The following SLC10A1 variants were observed in gnomAD, a reference collection of about 807,000 sequenced individuals.
SLC10A1 encodes the protein hepatic sodium/bile acid cotransporter.
A neutral mutation model predicts 20.5 loss-of-function variants in SLC10A1; 36 were observed. The observed-to-expected ratio is 1.75, with a 90% CI of 1.34 to 2.32. The LOEUF (loss-of-function observed/expected upper bound fraction) is 2.32, where lower values mean the gene tolerates loss of function less well. Among genes scored for constraint, SLC10A1 ranks in the 30% most tolerant of loss-of-function variants. The pLI is 0.00. For synonymous variants in SLC10A1, 188 were observed against 163.6 expected (o/e 1.15, Z -1.14); for missense variants, 545 against 439.1 (o/e 1.24, Z -2.16).
intron 2 of SLC10A1, among the ~76,000 whole-genome samples, chr14:69,780,662 T>G (rs990881897): frequency 6.6e-6 from 1 of 152,244 alleles, no homozygotes. Flanking sequence ...GCAACTGATA[T>G]GATCATATAA....
chr14:69,789,735 C>A (rs1018349879), intron 1 of SLC10A1, among the ~76,000 whole-genome samples: 1 of 151,676 alleles, frequency 6.6e-6, no homozygotes, highest in Non-Finnish European at 1.5e-5. Flanking sequence ...ATGCAGGGAG[C>A]AAATAAAGCA....
chr14:69,778,592 A>C, intron 3 of SLC10A1, 63 bp from the exon 4 acceptor site: 1 of 1,403,788 alleles, frequency 7.1e-7, no homozygotes, highest in East Asian at 2.3e-5. Flanking sequence ...ACTTTGTCCC[A>C]GTGCTGCTAC....
In SLC10A1 at chr14:69,793,369, A is replaced by G. The variant is rs539041872; in HGVS notation, c.356+3431T>C. Among the ~76,000 whole-genome samples, 47 of 152,156 alleles carry G rather than the reference A, an allele frequency of 3.1e-4. 2 individuals are homozygous for G. The South Asian group carries it at 5.4e-3, about 17-fold the overall frequency. On this transcript the variant is annotated intron_variant, in intron 1 of 4. Coordinates refer to ENST00000216540, the MANE Select transcript of SLC10A1 (RefSeq NM_003049.4). ...GGGCAAGGACTTTTTCAGACTCTAGATTCCTGAGATTGTAGGCCTGGTTGC... is the reference window on the plus strand; with the variant it reads ...GGGCAAGGACTTTTTCAGACTCTAGGTTCCTGAGATTGTAGGCCTGGTTGC...
rs1355998097 is a variant in SLC10A1 at position 69,797,182 on chromosome 14, T to A, written c.-27A>T. ...CTCCTGTGAGGCAGTGGAAGACCAC[T>A]CCTTGTTCTCCGGCTGACTCCGTTT... is the stretch of plus-strand genomic sequence containing the variant. On this transcript the variant is annotated 5_prime_UTR_variant, in exon 1 of 5. Coordinates refer to ENST00000216540, the MANE Select transcript of SLC10A1 (RefSeq NM_003049.4). The A allele has an allele frequency of 6.4e-7, 1 of 1,566,902 alleles. No individual in the cohort carries two copies. The highest frequency in any genetic ancestry group is 1.4e-5 in the African/African-American group (1 of 74,072).
At chr14:69,786,362 T>C in intron 1 of SLC10A1, 55 bp from the exon 2 acceptor site, 1 of 1,458,266 alleles carries the variant, frequency 6.9e-7, no homozygotes, top group Non-Finnish European at 9.6e-7. Context: ...ATACAGACTA[T>C]TTTGTTGAGT....
Position 69,778,426 on chromosome 14 carries a change from A to G in SLC10A1, c.850T>C (p.Phe284Leu). The G allele has an allele frequency of 1.9e-6, 3 of 1,614,146 alleles. No homozygotes were observed. The highest frequency in any genetic ancestry group is 2.5e-6 in the Non-Finnish European group (3 of 1,179,996). Residue 284 changes from phenylalanine to leucine, a missense_variant, in exon 4 of 5, where the codon TTC becomes CTC. Transcript: ENST00000216540. ...AAAATCATGTAGAGGAGGGGAAAGA[A>G]GAAAAGTGGTCCAATGACTTCAGGT... ...FPPEVIGPLFFFPLLYMIFQL... is the reference protein window; with the variant it reads ...FPPEVIGPLFLFPLLYMIFQL...
intron 1 of SLC10A1, among the ~76,000 whole-genome samples, chr14:69,789,914 G>GTTTTTTTTT (rs61078487): frequency 7.0e-6 from 1 of 142,872 alleles, no homozygotes; most frequent in Non-Finnish European, 1.5e-5. Context: ...CAAAAATAGG[G>GTTTTTTTTT]TTTTTTTTTT....
chr14:69,796,955 TG>T lies in SLC10A1; in HGVS notation c.200del (p.Ala67AspfsTer19). 1 of 1,614,206 alleles carries T rather than the reference TG, an allele frequency of 6.2e-7. No individual in the cohort carries two copies. The highest frequency in any genetic ancestry group is 8.5e-7 in the Non-Finnish European group (1 of 1,180,014). ...CCGTGAGGGGCATGATGCCATACTGTGCCACCAGGGCGATGGCCAGCCCTTT... is the reference window on the plus strand; with the variant it reads ...CCGTGAGGGGCATGATGCCATACTGTCCACCAGGGCGATGGCCAGCCCTTT... ...KPKGLAIALV[A>X]QYGIMPLTAF... On this transcript the variant is annotated frameshift_variant, in exon 1 of 5. Transcript: ENST00000216540. LOFTEE classifies it high-confidence loss of function.
At position 69,796,929 on chromosome 14, in the gene SLC10A1, G is replaced by A. The variant is rs1215038632; in HGVS notation, c.227C>T (p.Ala76Val). 5 of 1,614,194 alleles carry A rather than the reference G, an allele frequency of 3.1e-6. No individual in the cohort carries two copies. The East Asian group carries it at 6.7e-5, about 22-fold the overall frequency. The change falls in exon 1 of 5, where the codon GCC becomes GTC. Residue 76 changes from alanine to valine, a missense_variant. Physicochemically the swap from Ala to Val is moderately conservative, Grantham distance 64. Transcript: ENST00000216540. ...CCGGAAGACCTTGCCCAGCACAAAG[G>A]CCGTGAGGGGCATGATGCCATACTG... Reference protein sequence around the residue: ...VAQYGIMPLTAFVLGKVFRLK... With the variant: ...VAQYGIMPLTVFVLGKVFRLK...
chr14:69,780,190 CTA>C (rs1380065369), intron 2 of SLC10A1, among the ~76,000 whole-genome samples: 2 of 152,108 alleles, frequency 1.3e-5, no homozygotes, highest in Non-Finnish European at 2.9e-5. Flanking sequence ...TCATTGGAAA[CTA>C]TGCAGGTCTA....
At chr14:69,783,259 G>T (rs1457274491) in intron 2 of SLC10A1, among the ~76,000 whole-genome samples, 1 of 151,770 alleles carries the variant, frequency 6.6e-6, no homozygotes, top group Admixed American at 6.6e-5. Context: ...TAGGTGCTGT[G>T]GATTCAGTGT....
At chr14:69,787,196 ACACT>A (rs35161261) in intron 1 of SLC10A1, among the ~76,000 whole-genome samples, 41,041 of 151,828 alleles carry the variant, frequency 0.27, 7,526 homozygotes, top group African/African-American at 0.51. Flanking sequence ...ATAAATTATG[ACACT>A]CAGAGCCTGA....
intron 1 of SLC10A1, 39 bp from the exon 2 acceptor site, chr14:69,786,346 C>T: frequency 2.6e-6 from 4 of 1,523,036 alleles, no homozygotes; most frequent in Non-Finnish European, 3.6e-6. Flanking sequence ...GAGAGAGAGC[C>T]CATAAATACA....
intron 4 of SLC10A1, among the ~76,000 whole-genome samples, chr14:69,776,777 C>G (rs992130721): frequency 3.3e-5 from 5 of 152,206 alleles, no homozygotes; most frequent in Non-Finnish European, 7.3e-5. Flanking sequence ...TCCCTCCAAC[C>G]CCCAATTGAT....
At position 69,786,073 on chromosome 14, in the gene SLC10A1, T is replaced by C. The variant is rs1251148151; in HGVS notation, c.567+24A>G. 6.3e-7 allele frequency: 1 copy of C among 1,593,172 alleles called. No homozygotes were observed. The highest frequency in any genetic ancestry group is 1.7e-5 in the Admixed American group (1 of 59,950). ...GGTGTTTTTACTCTTTTGCCCTAAT[T>C]TGTCAAGCCTCCCAGGTTCTTACCT... On this transcript the variant is annotated intron_variant, in intron 2 of 4. Transcript: ENST00000216540.
At chr14:69,786,020 A>G in intron 2 of SLC10A1, 77 bp downstream of exon 2, 1 of 1,019,674 alleles carries the variant, frequency 9.8e-7, no homozygotes, top group Non-Finnish European at 1.5e-6. Context: ...TATTATTAAT[A>G]TAATGATTAT....
chr14:69,785,258 C>T (rs769912915), intron 2 of SLC10A1, among the ~76,000 whole-genome samples: 2 of 152,174 alleles, frequency 1.3e-5, no homozygotes, highest in East Asian at 1.9e-4. Context: ...TGGCATGATG[C>T]CCTGTCTGTG....
intron 1 of SLC10A1, among the ~76,000 whole-genome samples, chr14:69,788,897 G>A (rs1244630245): frequency 6.6e-6 from 1 of 152,148 alleles, no homozygotes; most frequent in African/African-American, 2.4e-5. Flanking sequence ...TAAAAAATGG[G>A]CCAAGGATTT....
At chr14:69,788,646 G>A (rs1385938770) in intron 1 of SLC10A1, among the ~76,000 whole-genome samples, 1 of 151,628 alleles carries the variant, frequency 6.6e-6, no homozygotes, top group Non-Finnish European at 1.5e-5. Context: ...CTGGGTTCAC[G>A]CTATTCTTCT....
Sources: allele counts gnomAD v4.1 joint callset (sites outside exome capture counted in the v4.1 genomes callset), GRCh38; gene constraint gnomAD v4.1.1; transcripts MANE v1.5; gene names NCBI Gene and HGNC (gene_info 2026-07-23, HGNC 2026-07-21).